Variants in TEX264 observed in about 807,000 individuals in gnomAD.
The protein encoded by TEX264 is testis expressed 264, ER-phagy receptor.
TEX264 carries 13 observed loss-of-function variants against 23.4 expected under a neutral mutation model. That is an observed-to-expected ratio of 0.56 (90% CI 0.36 to 0.88). The LOEUF (loss-of-function observed/expected upper bound fraction) is 0.88, where lower values mean the gene tolerates loss of function less well. Among genes scored for constraint, TEX264 ranks in the 40% least tolerant of loss-of-function variants. The probability of loss-of-function intolerance (pLI) is 0.01; values close to 1 mark genes in which losing one functional copy is unlikely to be tolerated. For missense variants in TEX264, 340 were observed against 406.8 expected (o/e 0.84, Z 1.41); for synonymous variants, 159 against 170.0 (o/e 0.94, Z 0.50).
chr3:51,698,629 G>C (rs1274187083), intron 3 of TEX264, among the ~76,000 whole-genome samples: 1 of 152,134 alleles, frequency 6.6e-6, no homozygotes, highest in African/African-American at 2.4e-5. Flanking sequence ...TTTGGAACTT[G>C]GGGCCCAAAA....
At chr3:51,680,747 G>A (rs1702400200) in intron 2 of TEX264, among the ~76,000 whole-genome samples, 2 of 152,326 alleles carry the variant, frequency 1.3e-5, no homozygotes, top group Admixed American at 1.3e-4. Flanking sequence ...AGGTAGGGCT[G>A]GGAGGCCCAG....
At chr3:51,676,852 G>A (rs1702248923) in intron 2 of TEX264, among the ~76,000 whole-genome samples, 1 of 152,206 alleles carries the variant, frequency 6.6e-6, no homozygotes, top group African/African-American at 2.4e-5. Flanking sequence ...TCATTTGGGT[G>A]GCACAGAGGA....
chr3:51,674,535 C>T lies in TEX264; in HGVS notation c.231C>T (p.Ile77=), dbSNP rs755267961. 2.5e-6 allele frequency: 4 copies of T among 1,614,122 alleles called. No homozygotes were observed. The highest frequency in any genetic ancestry group is 1.1e-5 in the South Asian group (1 of 91,074). The change falls in exon 2 of 5, where the codon ATC becomes ATT. Residue 77 remains isoleucine (I), a synonymous_variant. Coordinates refer to ENST00000341333, the MANE Select transcript of TEX264 (RefSeq NM_015926.6). ...GCATCTCTCCCAAGCTCCGCTCCATCGCTGTCTACTATGACAACCCCCACA... is the reference window on the plus strand; with the variant it reads ...GCATCTCTCCCAAGCTCCGCTCCATTGCTGTCTACTATGACAACCCCCACA... The part of the protein sequence containing the change: ...SCSISPKLRS[I]AVYYDNPHMV...
intron 2 of TEX264, among the ~76,000 whole-genome samples, chr3:51,680,358 C>CTA (rs1437104220): frequency 6.6e-6 from 1 of 152,212 alleles, no homozygotes; most frequent in African/African-American, 2.4e-5. Context: ...GCTGTCTTCG[C>CTA]TATAGCCTCA....
intron 2 of TEX264, among the ~76,000 whole-genome samples, chr3:51,678,977 C>T (rs1424238948): frequency 6.6e-6 from 1 of 152,154 alleles, no homozygotes; most frequent in Non-Finnish European, 1.5e-5. Flanking sequence ...TTATTTTCTG[C>T]CAGGTGGAGT....
In TEX264 at chr3:51,703,071, CCCT is replaced by C. The variant is rs1186331946; in HGVS notation, c.650-646_650-644del. Among the ~76,000 whole-genome samples the C allele has an allele frequency of 1.3e-5, 2 of 152,154 alleles. No individual in the cohort carries two copies. Among genetic ancestry groups the C allele is most frequent in the African/African-American group, 4.8e-5 (2 of 41,438 alleles). On this transcript the variant is annotated intron_variant, in intron 4 of 4. Transcript: ENST00000341333. The surrounding 1 kb of genome is among the most constrained non-coding windows in gnomAD (Gnocchi z 4.8). ...ACCCTTAACATGTTTCATCCCAGCA[CCCT>C]CCTCCTTGCAGCTGGTTGAGTATTT...
At chr3:51,689,685 T>A (rs1324827510) in intron 3 of TEX264, among the ~76,000 whole-genome samples, 1 of 152,112 alleles carries the variant, frequency 6.6e-6, no homozygotes, top group East Asian at 1.9e-4. Context: ...GCTCAGCTGG[T>A]TTGAAAACCT....
intron 3 of TEX264, among the ~76,000 whole-genome samples, chr3:51,697,035 T>G (rs1703085311): frequency 1.3e-5 from 2 of 152,080 alleles, no homozygotes; most frequent in Non-Finnish European, 2.9e-5. Context: ...AGGGCCACAG[T>G]TTTCTCTCCA....
At chr3:51,694,081 GTCCGTCCTTCCTTCCTTCCT>G (rs1203101702) in intron 3 of TEX264, among the ~76,000 whole-genome samples, 1 of 56,722 alleles carries the variant, frequency 1.8e-5, no homozygotes, top group African/African-American at 7.6e-5. Flanking sequence ...CCTTCCTTCC[GTCCGTCCTTCCTTCCTTCCT>G]TCCTTCCTTC....
At position 51,686,094 on chromosome 3, in the gene TEX264, TGGG is replaced by T. The variant is rs1268563296; in HGVS notation, c.480+1464_480+1466del. On this transcript the variant is annotated intron_variant, in intron 3 of 4. Transcript: ENST00000341333. This position sits in a 1 kb window ranked among gnomAD's most constrained non-coding sequence, Gnocchi z 4.1. ...GGAGCTGCCTGAGATACATCTAAGT[TGGG>T]GGGTGTGGAGTCAGCAATGGTATGT... Among the ~76,000 whole-genome samples the T allele has an allele frequency of 6.6e-6, 1 of 151,816 alleles. No individual in the cohort carries two copies. The highest frequency in any genetic ancestry group is 6.6e-5 in the Admixed American group (1 of 15,254).
Position 51,672,930 on chromosome 3 carries a change from G to A in TEX264, c.-34-1341G>A, listed in dbSNP as rs370305945. Among the ~76,000 whole-genome samples the A allele has an allele frequency of 5.1e-4, 78 of 152,338 alleles. 1 individual carries two copies. The South Asian group carries it at 0.016, about 32-fold the overall frequency. Reference sequence around the variant, plus strand: ...TACTGGAGACAAGATGAGTAGGACAGGCAGAAAAGAGAGAGATACTGATGG... The same window carrying A: ...TACTGGAGACAAGATGAGTAGGACAAGCAGAAAAGAGAGAGATACTGATGG... On this transcript the variant is annotated intron_variant, in intron 1 of 4. Coordinates refer to ENST00000341333, the MANE Select transcript of TEX264 (RefSeq NM_015926.6).
At chr3:51,684,673 C>T in intron 3 of TEX264, 39 bp downstream of exon 3, 2 of 1,602,704 alleles carry the variant, frequency 1.2e-6, no homozygotes, top group Non-Finnish European at 1.7e-6. Flanking sequence ...TGGGGACAGC[C>T]AGGCCCCTTG....
At chr3:51,673,665 A>C (rs1702129677) in intron 1 of TEX264, among the ~76,000 whole-genome samples, 1 of 152,200 alleles carries the variant, frequency 6.6e-6, no homozygotes, top group Non-Finnish European at 1.5e-5. Context: ...CTTGCTGGAT[A>C]GCAAGGTCCC....
rs183611271 is a variant in TEX264 at position 51,686,660 on chromosome 3, G to T, written c.480+2026G>T. Among the ~76,000 whole-genome samples the T allele has an allele frequency of 3.9e-4, 60 of 152,130 alleles. No homozygotes were observed. The highest frequency in any genetic ancestry group is 1.4e-3 in the African/African-American group (59 of 41,504). ...GGGCAGGATGTGCTTGCCTGGCTGC[G>T]GTTGGACTGGAGGTGGGGGCGGGCT... On this transcript the variant is annotated intron_variant, in intron 3 of 4. Transcript: ENST00000341333. The surrounding 1 kb of genome is among the most constrained non-coding windows in gnomAD (Gnocchi z 4.1).
At chr3:51,684,254 C>T (rs1702532279) in intron 2 of TEX264, 159 bp from the exon 3 acceptor site, 1 of 647,218 alleles carries the variant, frequency 1.5e-6, no homozygotes, top group South Asian at 1.9e-5. Flanking sequence ...AGGTGGGTTC[C>T]AGTAAGAAAA....
chr3:51,698,241 A>G (rs1218232420), intron 3 of TEX264, among the ~76,000 whole-genome samples: 1 of 152,136 alleles, frequency 6.6e-6, no homozygotes, highest in Admixed American at 6.5e-5. Context: ...CCTCAACCCT[A>G]GGGTTGGCCA....
At chr3:51,688,399 G>T (rs1289440903) in intron 3 of TEX264, among the ~76,000 whole-genome samples, 1 of 152,232 alleles carries the variant, frequency 6.6e-6, no homozygotes, top group Non-Finnish European at 1.5e-5. Flanking sequence ...GTGGGATTGT[G>T]TGTGTAAGGT....
intron 1 of TEX264, chr3:51,671,877 C>G (rs1037257392): frequency 6.6e-6 from 1 of 152,298 alleles, no homozygotes; most frequent in African/African-American, 2.4e-5. Flanking sequence ...GCTGGCTGGG[C>G]GCAGCCTTCC....
At chr3:51,693,531 G>C (rs1702908382) in intron 3 of TEX264, among the ~76,000 whole-genome samples, 1 of 148,528 alleles carries the variant, frequency 6.7e-6, no homozygotes, top group African/African-American at 2.5e-5. Context: ...ACAGGCTGGA[G>C]TGCGGTGGCA....
Sources: gnomAD v4.1 joint callset for allele counts (sites outside exome capture counted in the v4.1 genomes callset) on GRCh38, gnomAD v4.1.1 for gene constraint, Gnocchi (gnomAD v3.1) non-coding constraint, MANE v1.5 for transcripts, NCBI Gene and HGNC (gene_info 2026-07-23, HGNC 2026-07-21) for gene names.